The following CERS6 variants were observed in gnomAD, a reference collection of about 807,000 sequenced individuals.
CERS6 encodes LAG1 homolog, ceramide synthase 6.
CERS6 carries 26 observed loss-of-function variants against 56.8 expected under a neutral mutation model. That is an observed-to-expected ratio of 0.46 (90% CI 0.34 to 0.63). The LOEUF is 0.63. Ranked by LOEUF, CERS6 falls within the 30% of genes least tolerant of loss-of-function variation. The probability of loss-of-function intolerance (pLI) is 0.01; values close to 1 mark genes in which losing one functional copy is unlikely to be tolerated. For synonymous variants in CERS6, 164 were observed against 173.3 expected, an observed-to-expected ratio of 0.95 and a Z score of 0.42; for missense variants, 415 against 467.5, an observed-to-expected ratio of 0.89 and a Z score of 1.04.
chr2:168,739,506 G>A (rs1683828660), intron 8 of CERS6, among the ~76,000 whole-genome samples: 1 of 152,110 alleles, frequency 6.6e-6, no homozygotes, highest in African/African-American at 2.4e-5. Flanking sequence ...CACTAAGAAA[G>A]GTAAGCAAGG....
chr2:168,486,518 G>GTTTTTTTTTTT (rs1491580943), intron 1 of CERS6, among the ~76,000 whole-genome samples: 72 of 136,296 alleles, frequency 5.3e-4, no homozygotes, highest in East Asian at 1.1e-3. Context: ...GTCTAGATTT[G>GTTTTTTTTTTT]GTTTTGTTTT....
chr2:168,633,176 T>TA lies in CERS6; in HGVS notation c.465+2145dup, dbSNP rs79199606. ...TATAACAAATGCTTTTTTTTTTTAA[T>TA]AAAAAAAAAAAGGAAAGGAAAGAAG... On this transcript the variant is annotated intron_variant, in intron 4 of 9. Transcript: ENST00000305747. Among the ~76,000 whole-genome samples, 778 of 140,088 alleles carry TA rather than the reference T, an allele frequency of 5.6e-3. 9 individuals carry two copies. The highest frequency in any genetic ancestry group is 0.017 in the African/African-American group (654 of 38,242). 91.9% of individuals were successfully genotyped at this position (140,088 alleles called of 152,430 possible).
At chr2:168,673,574 C>CT (rs1213379497) in intron 4 of CERS6, among the ~76,000 whole-genome samples, 2 of 152,146 alleles carry the variant, frequency 1.3e-5, no homozygotes, top group Non-Finnish European at 1.5e-5. Context: ...GGTCCAGCCT[C>CT]TAATTTTATA....
chr2:168,578,706 A>G (rs1683337748), intron 3 of CERS6, among the ~76,000 whole-genome samples: 4 of 152,086 alleles, frequency 2.6e-5, no homozygotes, highest in Admixed American at 2.6e-4. Context: ...TATCCTCATT[A>G]GGTGTTTTAG....
intron 1 of CERS6, among the ~76,000 whole-genome samples, chr2:168,488,822 T>A (rs907786102): frequency 6.6e-6 from 1 of 152,188 alleles, no homozygotes; most frequent in South Asian, 2.1e-4. Flanking sequence ...GTAGACTCTT[T>A]ATGATAGAGT....
intron 1 of CERS6, among the ~76,000 whole-genome samples, chr2:168,468,963 C>A (rs982064857): frequency 6.6e-6 from 1 of 152,080 alleles, no homozygotes; most frequent in Non-Finnish European, 1.5e-5. Flanking sequence ...TAAGAGCCTC[C>A]CAGAAATAGG....
chr2:168,761,311 A>G (rs1191343006), intron 8 of CERS6, among the ~76,000 whole-genome samples: 1 of 152,024 alleles, frequency 6.6e-6, no homozygotes, highest in Non-Finnish European at 1.5e-5. Flanking sequence ...ATCCTGATGC[A>G]GTGTTTCAGA....
chr2:168,491,190 A>C (rs1387583860), intron 1 of CERS6, among the ~76,000 whole-genome samples: 1 of 152,214 alleles, frequency 6.6e-6, no homozygotes, highest in Admixed American at 6.5e-5. Context: ...ACTGTTTGAA[A>C]GAAAACAGGG....
intron 4 of CERS6, among the ~76,000 whole-genome samples, chr2:168,653,980 A>G (rs1685407389): frequency 6.6e-6 from 1 of 152,220 alleles, no homozygotes; most frequent in Admixed American, 6.5e-5. Context: ...CTCCCTCAAT[A>G]TATAATCTTC....
At chr2:168,635,082 G>A (rs1365467648) in intron 4 of CERS6, among the ~76,000 whole-genome samples, 2 of 152,166 alleles carry the variant, frequency 1.3e-5, no homozygotes, top group African/African-American at 2.4e-5. Flanking sequence ...AGCTCCTTAT[G>A]TTGTTGTGGA....
At chr2:168,551,487 T>A (rs1695570140) in intron 2 of CERS6, among the ~76,000 whole-genome samples, 1 of 152,146 alleles carries the variant, frequency 6.6e-6, no homozygotes, top group African/African-American at 2.4e-5. Flanking sequence ...TGCAGATAGC[T>A]CATATGTAAA....
intron 4 of CERS6, among the ~76,000 whole-genome samples, chr2:168,677,031 T>A (rs1318178759): frequency 8.6e-5 from 13 of 151,132 alleles, no homozygotes; most frequent in Admixed American, 3.3e-4. Context: ...TTTTTTTTTT[T>A]AATTATACTT....
intron 1 of CERS6, among the ~76,000 whole-genome samples, chr2:168,545,207 A>G (rs149919687): frequency 2.6e-4 from 40 of 152,326 alleles, no homozygotes; most frequent in Admixed American, 9.1e-4. Flanking sequence ...ATTTTTTCAC[A>G]TATGAGGAGA....
chr2:168,475,542 CAAT>C (rs1304355568), intron 1 of CERS6, among the ~76,000 whole-genome samples: 1 of 135,180 alleles, frequency 7.4e-6, no homozygotes, highest in Non-Finnish European at 1.6e-5. Flanking sequence ...AGGGTAGAAT[CAAT>C]GATTAAATTT....
chr2:168,479,845 T>G (rs1199813629), intron 1 of CERS6, among the ~76,000 whole-genome samples: 1 of 152,154 alleles, frequency 6.6e-6, no homozygotes. Flanking sequence ...CGACCTAAGG[T>G]GATCTGCCCG....
intron 8 of CERS6, among the ~76,000 whole-genome samples, chr2:168,721,149 G>C (rs889982577): frequency 3.3e-5 from 5 of 152,098 alleles, no homozygotes; most frequent in African/African-American, 1.2e-4. Flanking sequence ...CCACTAACCT[G>C]CTTGCTGTCT....
At position 168,749,332 on chromosome 2, in the gene CERS6, C is replaced by G. The variant is rs551123792; in HGVS notation, c.846-16260C>G. On this transcript the variant is annotated intron_variant, in intron 8 of 9. Transcript: ENST00000305747. Reference sequence around the variant, plus strand: ...GAATCTGAGTGCTGCTTCTTTTGTTCAGACGGAATTTAAAAATCAGTTTTA... The same window carrying G: ...GAATCTGAGTGCTGCTTCTTTTGTTGAGACGGAATTTAAAAATCAGTTTTA... 8.5e-5 allele frequency among the ~76,000 whole-genome samples: 13 copies of G among 152,314 alleles called. No homozygotes were observed. The South Asian group carries it at 1.7e-3, about 19-fold the overall frequency.
At chr2:168,610,090 G>A (rs1684149464) in intron 3 of CERS6, among the ~76,000 whole-genome samples, 1 of 145,532 alleles carries the variant, frequency 6.9e-6, no homozygotes, top group Admixed American at 7.5e-5. Flanking sequence ...CCGTTCTCCT[G>A]CTTCAGCCTC....
chr2:168,489,061 T>A (rs888632002), intron 1 of CERS6, among the ~76,000 whole-genome samples: 1 of 152,222 alleles, frequency 6.6e-6, no homozygotes, highest in Non-Finnish European at 1.5e-5. Flanking sequence ...TGAAGCACGC[T>A]CCTTAGCTTT....
Sources: gnomAD v4.1 joint callset for allele counts (sites outside exome capture counted in the v4.1 genomes callset) on GRCh38, gnomAD v4.1.1 for gene constraint, MANE v1.5 for transcripts, NCBI Gene and HGNC (gene_info 2026-07-23, HGNC 2026-07-21) for gene names.